The following LUZP1 variants were observed in gnomAD, a reference collection of about 807,000 sequenced individuals.
LUZP1 encodes the protein leucine zipper protein 1, also known as filamin mechanobinding actin cross-linking protein.
Under a neutral mutation model 71.3 loss-of-function variants are expected in LUZP1, and 25 were observed. That is an observed-to-expected ratio of 0.35 (90% confidence interval 0.26 to 0.49). The LOEUF (loss-of-function observed/expected upper bound fraction) is 0.49. Ranked by LOEUF, LUZP1 falls within the 20% of genes least tolerant of loss-of-function variation. LUZP1 has a pLI of 0.99. For synonymous variants in LUZP1, 481 were observed against 506.4 expected (o/e 0.95, Z 0.67); for missense variants, 1,142 against 1,300.8 (o/e 0.88, Z 1.88).
At chr1:23,103,867 G>GGAGA (rs1643954390) in intron 3 of LUZP1, among the ~76,000 whole-genome samples, 3 of 14,000 alleles carry the variant, frequency 2.1e-4, no homozygotes, top group African/African-American at 9.6e-4. Context: ...AGGGAGGGAG[G>GGAGA]GAGGGAGGGA....
At chr1:23,166,048 C>CAAAAAAAA (rs76454136) in intron 2 of LUZP1, among the ~76,000 whole-genome samples, 1 of 98,558 alleles carries the variant, frequency 1.0e-5, no homozygotes. Context: ...GTCTTTTTAC[C>CAAAAAAAA]AAAAAAAAAA....
chr1:23,155,708 C>T (rs1644416439), intron 2 of LUZP1, among the ~76,000 whole-genome samples: 2 of 151,612 alleles, frequency 1.3e-5, no homozygotes, highest in Admixed American at 6.6e-5. Context: ...CCCAGCTACT[C>T]GGAAGGCTGA....
intron 2 of LUZP1, among the ~76,000 whole-genome samples, chr1:23,152,433 T>G (rs1644391673): frequency 6.6e-6 from 1 of 152,182 alleles, no homozygotes; most frequent in South Asian, 2.1e-4. Flanking sequence ...ATGGATATAA[T>G]GCAGTCCACA....
intron 3 of LUZP1, among the ~76,000 whole-genome samples, chr1:23,106,877 C>G (rs957834750): frequency 2.6e-5 from 4 of 152,184 alleles, no homozygotes; most frequent in African/African-American, 9.6e-5. Context: ...TTTAAAACAT[C>G]AGTCAGATCA....
intron 2 of LUZP1, among the ~76,000 whole-genome samples, chr1:23,153,279 T>C (rs2124734614): frequency 1.3e-5 from 2 of 152,334 alleles, no homozygotes; most frequent in Middle Eastern, 6.8e-3. Context: ...CTAATCTCTA[T>C]CTTTGCCCTT....
At chr1:23,161,249 T>A (rs1413991870) in intron 2 of LUZP1, among the ~76,000 whole-genome samples, 1 of 152,140 alleles carries the variant, frequency 6.6e-6, no homozygotes. Context: ...AGATATATAA[T>A]CATAAATTGC....
At chr1:23,114,416 G>C (rs765576148) in intron 2 of LUZP1, among the ~76,000 whole-genome samples, 1 of 152,136 alleles carries the variant, frequency 6.6e-6, no homozygotes, top group Non-Finnish European at 1.5e-5. Flanking sequence ...ATGGCAGGAT[G>C]GGGTGGGGAC....
intron 2 of LUZP1, among the ~76,000 whole-genome samples, chr1:23,127,610 G>A (rs1300373978): frequency 3.9e-5 from 6 of 152,022 alleles, no homozygotes; most frequent in African/African-American, 7.2e-5. Flanking sequence ...TGCAAGCTCC[G>A]ACTCCCGGGT....
chr1:23,138,663 T>TTC (rs1553140069), intron 2 of LUZP1, among the ~76,000 whole-genome samples: 1 of 125,610 alleles, frequency 8.0e-6, no homozygotes, highest in African/African-American at 3.1e-5. Context: ...GATTATGTGT[T>TTC]TGTGTGTGTG....
At chr1:23,085,014 C>T (rs1643741454) in exon 5 of LUZP1, 1 of 152,642 alleles carries the variant, frequency 6.6e-6, no homozygotes, top group African/African-American at 2.4e-5. Context: ...GCAGAGCCAA[C>T]AGAGAGCATT....
intron 3 of LUZP1, among the ~76,000 whole-genome samples, chr1:23,096,791 G>C (rs1009821580): frequency 6.6e-6 from 1 of 152,056 alleles, no homozygotes; most frequent in Non-Finnish European, 1.5e-5. Flanking sequence ...TGAACAACAT[G>C]ATGAGACCCC....
rs1308751401 is a variant in LUZP1, at chr1:23,107,604, C to A, written c.-120+1418G>T. Among the ~76,000 whole-genome samples the A allele has an allele frequency of 1.5e-4, 23 of 152,186 alleles. No individual in the cohort carries two copies. In the South Asian group the frequency reaches 4.0e-3, roughly 26 times the overall value. ...TCACCTGAGGTCAGGAGTTCAAGACCAGCCTGGCCAACATGGTGAAACCCT... is the reference window on the plus strand; with the variant it reads ...TCACCTGAGGTCAGGAGTTCAAGACAAGCCTGGCCAACATGGTGAAACCCT... On this transcript the variant is annotated intron_variant, in intron 3 of 4. Coordinates refer to ENST00000302291, the Ensembl canonical transcript of LUZP1.
intron 1 of LUZP1, among the ~76,000 whole-genome samples, chr1:23,175,527 C>A (rs1644577292): frequency 6.6e-6 from 1 of 152,190 alleles, no homozygotes; most frequent in Non-Finnish European, 1.5e-5. Context: ...TCCTCTCATG[C>A]ATCTTATTTC....
At chr1:23,085,257 A>G (rs1014351905) in exon 5 of LUZP1, 5 of 152,638 alleles carry the variant, frequency 3.3e-5, no homozygotes, top group East Asian at 1.9e-4. Context: ...CTATAATGCA[A>G]TAACAGTTTA....
At position 23,091,042 on chromosome 1, in the gene LUZP1, C is replaced by A. The variant is rs12061753; in HGVS notation, c.3072+148G>T. ...TCTTTAGGAGAAAGGTCAAACCCCC[C>A]TGATTTTTCAACAGTTCTCTAAGGA... On this transcript the variant is annotated intron_variant, in intron 4 of 4. Transcript: ENST00000302291. 12 of 875,404 alleles carry A rather than the reference C, an allele frequency of 1.4e-5. No homozygotes were observed. The African/African-American group carries it at 1.8e-4, about 13-fold the overall frequency. The allele number at this position is 875,404 out of a possible 1,614,324, so 54.2% of individuals were successfully genotyped here.
intron 2 of LUZP1, among the ~76,000 whole-genome samples, chr1:23,133,109 C>T (rs1217199959): frequency 6.6e-6 from 1 of 152,200 alleles, no homozygotes; most frequent in Non-Finnish European, 1.5e-5. Context: ...TGGAAGCCTG[C>T]TTCTAGAAAG....
exon 4 of LUZP1, chr1:23,091,446 C>G (rs377020005): frequency 1.2e-6 from 2 of 1,614,108 alleles, no homozygotes; most frequent in East Asian, 2.2e-5. Context: ...TTTACCTATT[C>G]GAGTTGGGGG....
intron 1 of LUZP1, among the ~76,000 whole-genome samples, chr1:23,170,860 G>A (rs983197201): frequency 1.2e-4 from 18 of 151,266 alleles, no homozygotes; most frequent in African/African-American, 4.3e-4. Context: ...TTGAGTCCAG[G>A]GGGATGGATC....
intron 2 of LUZP1, among the ~76,000 whole-genome samples, chr1:23,112,407 C>T (rs1644041501): frequency 6.6e-6 from 1 of 152,174 alleles, no homozygotes; most frequent in South Asian, 2.1e-4. Flanking sequence ...CTGAAGGATC[C>T]TTACAGATCA....
Sources: allele counts gnomAD v4.1 joint callset (sites outside exome capture counted in the v4.1 genomes callset), GRCh38; gene constraint gnomAD v4.1.1; transcripts MANE v1.5; gene names NCBI Gene and HGNC (gene_info 2026-07-23, HGNC 2026-07-21).